TEKT5: variants seen among roughly 807,000 people sequenced by gnomAD.
The protein encoded by TEKT5 is tektin-5.
Under a neutral mutation model 48.7 loss-of-function variants are expected in TEKT5, and 52 were observed. The ratio of observed to expected loss-of-function variants is 1.07; its 90% CI spans 0.86 to 1.35. The LOEUF (loss-of-function observed/expected upper bound fraction) is 1.35, where lower values mean the gene tolerates loss of function less well. Ranked by LOEUF, TEKT5 falls within the 40% of genes most tolerant of loss-of-function variation. The probability of loss-of-function intolerance (pLI) is 0.00; values close to 1 mark genes in which losing one functional copy is unlikely to be tolerated. For synonymous variants in TEKT5, 318 were observed against 267.6 expected (o/e 1.19, Z -1.84); for missense variants, 831 against 641.6 (o/e 1.30, Z -3.19).
intron 5 of TEKT5, among the ~76,000 whole-genome samples, chr16:10,638,145 T>G (rs990930797): frequency 1.3e-5 from 2 of 152,016 alleles, no homozygotes; most frequent in African/African-American, 4.8e-5. Context: ...TACTTCTGTG[T>G]GTTTGAAACT....
intron 5 of TEKT5, among the ~76,000 whole-genome samples, chr16:10,650,208 G>A (rs1408610561): frequency 1.3e-5 from 2 of 151,774 alleles, no homozygotes; most frequent in African/African-American, 2.4e-5. Context: ...AGGTGTGTGC[G>A]ACAAGTAGCT....
intron 1 of TEKT5, 79 bp downstream of exon 1, chr16:10,694,231 T>G: frequency 7.0e-7 from 1 of 1,438,194 alleles, no homozygotes; most frequent in East Asian, 2.3e-5. Flanking sequence ...GCCACCTTCA[T>G]CTTCAGTCAA....
chr16:10,653,958 A>AAGG (rs563724125), intron 5 of TEKT5, among the ~76,000 whole-genome samples: 329 of 152,244 alleles, frequency 2.2e-3, no homozygotes, highest in Middle Eastern at 6.8e-3. Context: ...ACTTGCCCAC[A>AAGG]AGGTTACTGG....
intron 5 of TEKT5, among the ~76,000 whole-genome samples, chr16:10,650,577 T>G (rs550108308): frequency 6.6e-6 from 1 of 150,592 alleles, no homozygotes; most frequent in Admixed American, 6.6e-5. Flanking sequence ...TCATCTTCAT[T>G]AGAAGGGAGG....
chr16:10,665,639 C>T (rs914644740), intron 5 of TEKT5, among the ~76,000 whole-genome samples: 25 of 152,174 alleles, frequency 1.6e-4, no homozygotes, highest in African/African-American at 6.0e-4. Flanking sequence ...GACACAGTCA[C>T]CCTGACCAGC....
chr16:10,660,185 C>T (rs531120094), intron 5 of TEKT5, among the ~76,000 whole-genome samples: 1 of 152,158 alleles, frequency 6.6e-6, no homozygotes, highest in Non-Finnish European at 1.5e-5. Context: ...CTAGCCCAGC[C>T]TCCCTCAACC....
intron 5 of TEKT5, among the ~76,000 whole-genome samples, chr16:10,658,994 A>C (rs953960827): frequency 4.6e-5 from 7 of 152,232 alleles, no homozygotes; most frequent in Non-Finnish European, 1.0e-4. Context: ...CTAGGATTAC[A>C]GATGTGAGCC....
intron 5 of TEKT5, among the ~76,000 whole-genome samples, chr16:10,640,112 T>TC (rs1567225360): frequency 0.017 from 1,248 of 73,832 alleles, 38 homozygotes; most frequent in African/African-American, 0.087. Flanking sequence ...CCTCCTCCCG[T>TC]CTTCCTCCTC....
In TEKT5 at chr16:10,627,564, T is replaced by C; in HGVS notation, c.*19A>G. 6.2e-7 allele frequency: 1 copy of C among 1,612,450 alleles called. No homozygotes were observed. Among genetic ancestry groups the C allele is most frequent in the Non-Finnish European group, 8.5e-7 (1 of 1,178,580 alleles). Reference sequence around the variant, plus strand: ...TTTCCAATTTTACGCCAGCGCGGAATGAGGCGCCAGGGCGGTGCTCAGGTG... The same window carrying C: ...TTTCCAATTTTACGCCAGCGCGGAACGAGGCGCCAGGGCGGTGCTCAGGTG... On this transcript the variant is annotated 3_prime_UTR_variant, in exon 7 of 7. Transcript: ENST00000283025.
intron 5 of TEKT5, among the ~76,000 whole-genome samples, chr16:10,642,883 G>A (rs1026130320): frequency 6.6e-6 from 1 of 152,138 alleles, no homozygotes; most frequent in African/African-American, 2.4e-5. Context: ...AGGATACAAA[G>A]TTACAGCGAG....
At chr16:10,634,356 T>C (rs1237124426) in intron 6 of TEKT5, among the ~76,000 whole-genome samples, 2 of 152,140 alleles carry the variant, frequency 1.3e-5, no homozygotes, top group African/African-American at 4.8e-5. Context: ...TTTCAATCTT[T>C]TTCTCTTGGG....
intron 5 of TEKT5, among the ~76,000 whole-genome samples, chr16:10,643,433 C>A (rs974123028): frequency 3.0e-4 from 46 of 151,810 alleles, no homozygotes; most frequent in Admixed American, 1.8e-3. Context: ...TATGATTATA[C>A]CTCAAAATTT....
chr16:10,629,814 CTG>C (rs1897811647), intron 6 of TEKT5, among the ~76,000 whole-genome samples: 2 of 152,248 alleles, frequency 1.3e-5, no homozygotes, highest in Non-Finnish European at 2.9e-5. Context: ...GCAGACATCT[CTG>C]TGATGCACTT....
At chr16:10,673,997 G>A (rs1898596490) in intron 5 of TEKT5, among the ~76,000 whole-genome samples, 1 of 152,174 alleles carries the variant, frequency 6.6e-6, no homozygotes, top group South Asian at 2.1e-4. Context: ...CACGCAGGCA[G>A]AAAAGAAATC....
intron 4 of TEKT5, among the ~76,000 whole-genome samples, chr16:10,681,598 T>G (rs1156301207): frequency 6.6e-6 from 1 of 150,586 alleles, no homozygotes; most frequent in Non-Finnish European, 1.5e-5. Context: ...TTTCGGAATT[T>G]TTTTTTTTTT....
chr16:10,638,823 A>G (rs6498098), intron 5 of TEKT5, among the ~76,000 whole-genome samples: 62,669 of 152,112 alleles, frequency 0.41, 15,325 homozygotes, highest in African/African-American at 0.67. Flanking sequence ...TACTTGAAAG[A>G]TTCATCATCA....
At chr16:10,688,782 C>G (rs1898910845) in intron 3 of TEKT5, among the ~76,000 whole-genome samples, 1 of 152,230 alleles carries the variant, frequency 6.6e-6, no homozygotes, top group Admixed American at 6.5e-5. Flanking sequence ...TTGAAGACTT[C>G]TGGCTCAATG....
intron 5 of TEKT5, among the ~76,000 whole-genome samples, chr16:10,643,168 G>A (rs186981323): frequency 7.3e-4 from 111 of 151,994 alleles, no homozygotes; most frequent in South Asian, 5.6e-3. Flanking sequence ...ATCACTTGAC[G>A]CCAGGAGTTT....
intron 5 of TEKT5, among the ~76,000 whole-genome samples, chr16:10,649,519 G>A (rs1314676483): frequency 2.6e-5 from 4 of 151,586 alleles, no homozygotes; most frequent in East Asian, 1.9e-4. Flanking sequence ...CTGCAGCCTC[G>A]ACCTTCCAGG....
Sources: allele counts gnomAD v4.1 joint callset (sites outside exome capture counted in the v4.1 genomes callset), GRCh38; gene constraint gnomAD v4.1.1; transcripts MANE v1.5; gene names NCBI Gene and HGNC (gene_info 2026-07-23, HGNC 2026-07-21).